Variants in SNED1 observed in about 807,000 individuals in gnomAD.
The protein encoded by SNED1 is sushi, nidogen and EGF like domains 1.
SNED1 carries 81 observed loss-of-function variants against 166.7 expected under a neutral mutation model. That is an observed-to-expected ratio of 0.49 (90% CI 0.41 to 0.58). The LOEUF (loss-of-function observed/expected upper bound fraction) is 0.58, where lower values mean the gene tolerates loss of function less well. Ranked by LOEUF, SNED1 falls within the 20% of genes least tolerant of loss-of-function variation. The probability of loss-of-function intolerance (pLI) is 0.00; values close to 1 mark genes in which losing one functional copy is unlikely to be tolerated. For missense variants in SNED1, 1,604 were observed against 2,000.2 expected, an observed-to-expected ratio of 0.80 and a Z score of 3.78; for synonymous variants, 762 against 822.0, an observed-to-expected ratio of 0.93 and a Z score of 1.25.
intron 12 of SNED1, among the ~76,000 whole-genome samples, chr2:241,050,387 T>C (rs962218888): frequency 1.3e-5 from 2 of 152,102 alleles, no homozygotes; most frequent in Non-Finnish European, 2.9e-5. Context: ...GTCCCTTCTG[T>C]GCAGTTTGAA....
In SNED1 at chr2:241,037,244, G is replaced by T. The variant is rs374794837; in HGVS notation, c.936G>T (p.Val312=). ...TCAGCCTGCCCCATGTTTCAGACGT[G>T]AACGAATGTGCCTCCCAGCCCTGTC... is the stretch of plus-strand genomic sequence containing the variant. ...GFTGRRCHLD[V]NECASQPCQN... The change falls in exon 6 of 32, where the codon GTG becomes GTT. Residue 312 remains valine (V), a synonymous_variant. Coordinates refer to ENST00000310397, the MANE Select transcript of SNED1 (RefSeq NM_001080437.3). The T allele has an allele frequency of 3.1e-6, 5 of 1,608,314 alleles. No homozygotes were observed. Among genetic ancestry groups the T allele is most frequent in the Non-Finnish European group, 4.2e-6 (5 of 1,177,644 alleles).
intron 16 of SNED1, among the ~76,000 whole-genome samples, chr2:241,053,845 G>A (rs952678361): frequency 2.6e-5 from 4 of 152,206 alleles, no homozygotes; most frequent in African/African-American, 9.7e-5. Context: ...TCTGACCGAA[G>A]CCCCTGGAGA....
chr2:241,040,323 C>T lies in SNED1; in HGVS notation c.1183C>T (p.Pro395Ser), dbSNP rs369413477. 2 of 1,607,312 alleles carry T rather than the reference C, an allele frequency of 1.2e-6. No homozygotes were observed. Among genetic ancestry groups the T allele is most frequent in the Non-Finnish European group, 1.7e-6 (2 of 1,177,030 alleles). ...AGATGTGGACGACTGCAGCCCTGAC[C>T]CCTGCCTGAATGGAGGCTCTTGTGT... is the stretch of plus-strand genomic sequence containing the variant. Reference protein sequence around the residue: ...EMDVDDCSPDPCLNGGSCVDL... With the variant: ...EMDVDDCSPDSCLNGGSCVDL... Residue 395 changes from proline to serine, a missense_variant, in exon 8 of 32, where the codon CCC becomes TCC. Pro to Ser is a moderately conservative substitution (Grantham distance 74, BLOSUM62 -1). Around this residue, in one of 2 missense-constraint regions of SNED1, gnomAD observed 1,237 missense variants for 1,620.8 expected, o/e 0.76. Transcript: ENST00000310397.
intron 8 of SNED1, among the ~76,000 whole-genome samples, chr2:241,043,899 T>C (rs1284628899): frequency 1.3e-5 from 2 of 152,206 alleles, no homozygotes; most frequent in Non-Finnish European, 2.9e-5. Flanking sequence ...ATTTGGTCTG[T>C]GGGTTATAGT....
chr2:241,076,997 T>C (rs2063055310), intron 27 of SNED1, among the ~76,000 whole-genome samples: 1 of 150,932 alleles, frequency 6.6e-6, no homozygotes, highest in South Asian at 2.1e-4. Context: ...GAGAATGGCG[T>C]GAACCCGGGA....
rs185349960 is a variant in SNED1, at chr2:241,030,470, G to A, written c.400G>A (p.Val134Ile). 266 of 1,613,908 alleles carry A rather than the reference G, an allele frequency of 1.6e-4. 3 individuals are homozygous for A. In the East Asian group the frequency reaches 3.1e-3, roughly 19 times the overall value. Reference sequence around the variant, plus strand: ...CATGCTGCGCCGAGCCACGGAGGACGTCAGGCACTACTTCCCCGAGCTCCT... The same window carrying A: ...CATGCTGCGCCGAGCCACGGAGGACATCAGGCACTACTTCCCCGAGCTCCT... ...PAMLRRATED[V>I]RHYFPELLDF... Residue 134 changes from valine to isoleucine, a missense_variant, in exon 2 of 32, where the codon GTC (valine) becomes ATC (isoleucine). Around this residue, in one of 2 missense-constraint regions of SNED1, gnomAD observed 1,237 missense variants for 1,620.8 expected, o/e 0.76. Transcript: ENST00000310397.
rs1040018147 is a variant in SNED1 at position 241,073,131 on chromosome 2, G to A, written c.3818-135G>A. On this transcript the variant is annotated intron_variant, in intron 26 of 31. Transcript: ENST00000310397. The surrounding 1 kb of genome is among the most constrained non-coding windows in gnomAD (Gnocchi z 6.6). ...CAGCTCTGGGGCCGACAGGTGCTGG[G>A]GCCACGCAGGGAGCCTGGTCCCCAC... 3 of 645,726 alleles carry A rather than the reference G, an allele frequency of 4.6e-6. No individual in the cohort carries two copies. The highest frequency in any genetic ancestry group is 3.6e-5 in the African/African-American group (2 of 54,828). The allele number at this position is 645,726 out of a possible 1,614,324, so 40.0% of individuals were successfully genotyped here. A position where few individuals can be genotyped will look rare whatever the true frequency, so the allele number is the denominator to read the frequency against.
chr2:241,024,660 A>ATTTTATTTTATTTTG (rs1264857502), intron 1 of SNED1, among the ~76,000 whole-genome samples: 2 of 147,810 alleles, frequency 1.4e-5, no homozygotes, highest in African/African-American at 5.0e-5. Context: ...ATCTTATTTT[A>ATTTTATTTTATTTTG]TTTTATTTTA....
chr2:241,062,690 T>C (rs1575025742), intron 16 of SNED1, 101 bp from the exon 17 acceptor site: 1 of 784,296 alleles, frequency 1.3e-6, no homozygotes, highest in South Asian at 1.5e-5. Context: ...ACTGATGATG[T>C]ATCATCGAAT....
In SNED1 at chr2:241,036,809, G is replaced by T; in HGVS notation, c.825G>T (p.Leu275=). 6.2e-7 allele frequency: 1 copy of T among 1,609,566 alleles called. No individual in the cohort carries two copies. The change falls in exon 5 of 32, where the codon CTG becomes CTT. Residue 275 remains leucine (L), a synonymous_variant. Transcript: ENST00000310397. ...CTGCAGCGTCCGTGTGCCTGGCCCT[G>T]CGCCCCTGCCTCAACGGCGGCAAGT... ...CGHTTSVCLA[L]RPCLNGGKCI...
rs1168487366 is a variant in SNED1 at position 241,070,256 on chromosome 2, C to T, written c.3589+55C>T. On this transcript the variant is annotated intron_variant, in intron 24 of 31. Transcript: ENST00000310397. ...GGGCCAGTGTTTGCCAGCCCTCCAC[C>T]CTGTTCAGGACTGACCTGGCCCTGC... The T allele has an allele frequency of 3.9e-6, 6 of 1,530,548 alleles. No homozygotes were observed. The East Asian group carries it at 1.4e-4, about 36-fold the overall frequency. 94.8% of individuals were successfully genotyped at this position (1,530,548 alleles called of 1,614,324 possible).
chr2:241,083,015 C>T (rs1057236145), intron 29 of SNED1, among the ~76,000 whole-genome samples: 1 of 152,144 alleles, frequency 6.6e-6, no homozygotes, highest in East Asian at 1.9e-4. Context: ...CAGAGCAGAC[C>T]AAAGCCCTGC....
chr2:241,016,271 T>C (rs2060587868), intron 1 of SNED1, among the ~76,000 whole-genome samples: 1 of 144,190 alleles, frequency 6.9e-6, no homozygotes, highest in Admixed American at 7.4e-5. Context: ...CTTGGCTCAC[T>C]GCAAGCTCCA....
intron 27 of SNED1, chr2:241,074,597 C>T (rs2062932926): frequency 6.6e-6 from 1 of 152,152 alleles, no homozygotes; most frequent in Non-Finnish European, 1.5e-5. Context: ...CGGGCTGGCC[C>T]TGAGGTCACC....
chr2:241,090,193 C>G, intron 31 of SNED1: 1 of 1,468,400 alleles, frequency 6.8e-7, no homozygotes, highest in South Asian at 1.4e-5. Context: ...GTGCTTTTCT[C>G]TGTTTTTAAA....
At chr2:241,062,984 G>GA in intron 17 of SNED1, 80 bp downstream of exon 17, 1 of 919,000 alleles carries the variant, frequency 1.1e-6, no homozygotes, top group South Asian at 1.7e-5. Flanking sequence ...CCCCCGGACA[G>GA]GTCTCTGTCT....
At chr2:241,049,986 C>T (rs754910354) in intron 12 of SNED1, 53 bp downstream of exon 12, 12 of 1,326,434 alleles carry the variant, frequency 9.0e-6, no homozygotes, top group African/African-American at 1.4e-5. Flanking sequence ...AGAGCGCCCG[C>T]GGTCCGCCGT....
At chr2:241,021,632 C>A (rs2060777130) in intron 1 of SNED1, among the ~76,000 whole-genome samples, 1 of 152,120 alleles carries the variant, frequency 6.6e-6, no homozygotes, top group Non-Finnish European at 1.5e-5. Flanking sequence ...CTTTTTATTG[C>A]CAAATAATAT....
At position 241,087,566 on chromosome 2, in the gene SNED1, T is replaced by C. The variant is rs571942414; in HGVS notation, c.4205+91T>C. 1,512 of 1,485,770 alleles carry C rather than the reference T, an allele frequency of 1.0e-3. 2 individuals are homozygous for C. The highest frequency in any genetic ancestry group is 1.3e-3 in the Non-Finnish European group (1,415 of 1,118,520). The allele number at this position is 1,485,770 out of a possible 1,614,324, so 92.0% of individuals were successfully genotyped here. A position where few individuals can be genotyped will look rare whatever the true frequency, so the allele number is the denominator to read the frequency against. ...GGGGTGCTATGGGATGCTGCAGGCC[T>C]GTGGGCTGAGCCAGGCGGTCTACTC... On this transcript the variant is annotated intron_variant, in intron 30 of 31. Transcript: ENST00000310397.
Sources: gnomAD v4.1 joint callset for allele counts (sites outside exome capture counted in the v4.1 genomes callset) on GRCh38, gnomAD v4.1.1 for gene constraint, gnomAD v4.1.1 regional missense constraint, Gnocchi (gnomAD v3.1) non-coding constraint, MANE v1.5 for transcripts, NCBI Gene and HGNC (gene_info 2026-07-23, HGNC 2026-07-21) for gene names.